GRB7: variants seen among roughly 807,000 people sequenced by gnomAD.
GRB7 encodes the protein growth factor receptor bound protein 7.
GRB7 carries 47 observed loss-of-function variants against 64.1 expected under a neutral mutation model. The ratio of observed to expected loss-of-function variants is 0.73; its 90% CI spans 0.58 to 0.94. The LOEUF (loss-of-function observed/expected upper bound fraction) is 0.94. GRB7 is among the 40% of genes least tolerant of loss of function. The probability of loss-of-function intolerance (pLI) is 0.00; values close to 1 mark genes in which losing one functional copy is unlikely to be tolerated. For missense variants in GRB7, 634 were observed against 718.4 expected (o/e 0.88, Z 1.34); for synonymous variants, 277 against 279.9 (o/e 0.99, Z 0.10).
chr17:39,742,165 G>A, intron 1 of GRB7, 87 bp from the exon 2 acceptor site: 1 of 871,626 alleles, frequency 1.1e-6, no homozygotes, highest in South Asian at 1.4e-5. Context: ...TCCAGTTAGA[G>A]CAGTGAGGTG....
intron 1 of GRB7, among the ~76,000 whole-genome samples, chr17:39,740,634 G>C (rs2059987046): frequency 0.028 from 1 of 36 alleles, no homozygotes; most frequent in Non-Finnish European, 0.05. Flanking sequence ...GATGTCAGGA[G>C]CCTCAGGCCC....
At chr17:39,738,815 G>C in intron 1 of GRB7, 1 of 1,244,992 alleles carries the variant, frequency 8.0e-7, no homozygotes, top group Admixed American at 2.1e-5. Flanking sequence ...CCACTTTGGA[G>C]GGCAGTGAAG....
chr17:39,746,143 C>T lies in GRB7; in HGVS notation c.1393C>T (p.Gln465Ter). The change falls in exon 14 of 15, where the codon CAG (glutamine) becomes TAG (stop). Residue 465 changes from glutamine (Q) to a stop codon, truncating the protein, a stop_gained. Transcript: ENST00000309156. LOFTEE classifies it high-confidence loss of function. ...GGTCCGGGAGAGTCAGCGGAACCCCCAGGGCTTTGTCCTCTCTTTGTGCCA... is the reference window on the plus strand; with the variant it reads ...GGTCCGGGAGAGTCAGCGGAACCCCTAGGGCTTTGTCCTCTCTTTGTGCCA... ...FLVRESQRNP[Q>*]GFVLSLCHLQ... 1 of 1,614,096 alleles carries T rather than the reference C, an allele frequency of 6.2e-7. No homozygotes were observed. Among genetic ancestry groups the T allele is most frequent in the Non-Finnish European group, 8.5e-7 (1 of 1,179,996 alleles).
Position 39,745,232 on chromosome 17 carries a change from C to T in GRB7, c.1012-11C>T, listed in dbSNP as rs1336174119. On this transcript the variant is annotated splice_polypyrimidine_tract_variant and intron_variant, in intron 9 of 14. Transcript: ENST00000309156. ...CTCGACCTCAAGCTCTCTTTCTCTC[C>T]CCACCCCCAGTACGGGGTGCAGCTG... The T allele has an allele frequency of 1.3e-6, 2 of 1,583,898 alleles. No homozygotes were observed. Among genetic ancestry groups the T allele is most frequent in the African/African-American group, 1.3e-5 (1 of 74,128 alleles).
intron 7 of GRB7, 27 bp from the exon 8 acceptor site, chr17:39,744,526 C>T (rs1293360639): frequency 1.9e-6 from 3 of 1,564,254 alleles, no homozygotes; most frequent in Admixed American, 3.6e-5. Flanking sequence ...CTACCTGTAC[C>T]AAGTCCTGCT....
Position 39,738,025 on chromosome 17 carries a change from T to C in GRB7, c.-159T>C, listed in dbSNP as rs1391067972. On this transcript the variant is annotated 5_prime_UTR_variant, in exon 1 of 15. Coordinates refer to ENST00000309156, the MANE Select transcript of GRB7 (RefSeq NM_005310.5). The stretch of plus-strand genomic sequence containing the variant: ...GAAGTCGGGACACCCTCCTACCACC[T>C]GTAGAGAAGCGGGAGTGGATCTGAA... The C allele has an allele frequency of 6.6e-6, 1 of 152,326 alleles. No homozygotes were observed. The highest frequency in any genetic ancestry group is 1.5e-5 in the Non-Finnish European group (1 of 68,078). The allele number at this position is 152,326 out of a possible 1,614,324, so 9.4% of individuals were successfully genotyped here. A position where few individuals can be genotyped will look rare whatever the true frequency, so the allele number is the denominator to read the frequency against.
intron 8 of GRB7, 31 bp downstream of exon 8, chr17:39,744,694 C>G (rs1490155541): frequency 1.9e-6 from 3 of 1,560,320 alleles, no homozygotes; most frequent in Non-Finnish European, 2.6e-6. Flanking sequence ...GGCCCCTGGC[C>G]TGGGGAAGCA....
intron 1 of GRB7, 98 bp from the exon 2 acceptor site, chr17:39,742,154 C>A: frequency 2.5e-6 from 2 of 807,050 alleles, no homozygotes; most frequent in African/African-American, 1.7e-5. Flanking sequence ...TTCAGGGAAA[C>A]TCCAGTTAGA....
intron 8 of GRB7, 61 bp from the exon 9 acceptor site, chr17:39,744,825 C>T: frequency 7.0e-7 from 1 of 1,431,002 alleles, no homozygotes; most frequent in Non-Finnish European, 9.9e-7. Flanking sequence ...CTATGTGGAG[C>T]AGGGGCAGAC....
intron 1 of GRB7, chr17:39,739,872 A>G (rs954046179): frequency 3.9e-5 from 15 of 385,046 alleles, no homozygotes; most frequent in African/African-American, 3.1e-4. Context: ...GCCCACAGCC[A>G]GGACCCCTTC....
chr17:39,739,395 C>T (rs910018507), intron 1 of GRB7, among the ~76,000 whole-genome samples: 5 of 152,206 alleles, frequency 3.3e-5, no homozygotes, highest in Non-Finnish European at 5.9e-5. Context: ...TGGGCGGGGC[C>T]TCAGAGTCCT....
chr17:39,738,986 A>G, intron 1 of GRB7: 1 of 1,220,894 alleles, frequency 8.2e-7, no homozygotes, highest in Non-Finnish European at 1.1e-6. Context: ...GGGGTGTATG[A>G]GGGGCTCTGC....
chr17:39,739,157 G>T (rs1022975762), intron 1 of GRB7, among the ~76,000 whole-genome samples: 1 of 66,704 alleles, frequency 1.5e-5, no homozygotes, highest in Non-Finnish European at 3.3e-5. Flanking sequence ...CCCCCACCCC[G>T]CCCCCCAACT....
At chr17:39,745,374 G>C in intron 10 of GRB7, 48 bp from the exon 11 acceptor site, 1 of 1,609,418 alleles carries the variant, frequency 6.2e-7, no homozygotes, top group Non-Finnish European at 8.5e-7. Context: ...CCTGTCTTAC[G>C]GGTACCTGGG....
chr17:39,742,310 G>A lies in GRB7; in HGVS notation c.9G>A (p.Leu3=), dbSNP rs761443768. The A allele has an allele frequency of 6.2e-6, 10 of 1,614,092 alleles. No homozygotes were observed. Among genetic ancestry groups the A allele is most frequent in the Non-Finnish European group, 7.6e-6 (9 of 1,179,982 alleles). Residue 3 remains leucine, a synonymous_variant, in exon 2 of 15, where the codon CTG becomes CTA. Transcript: ENST00000309156. ...TCTCTTGCTCAGACGCCATGGAGCT[G>A]GATCTGTCTCCACCTCATCTTAGCA... is the stretch of plus-strand genomic sequence containing the variant. The part of the protein sequence containing the change: ME[L]DLSPPHLSSS...
In GRB7 at chr17:39,746,869, G is replaced by A. The variant is rs547219172; in HGVS notation, c.1571G>A (p.Arg524His). 1.6e-5 allele frequency: 25 copies of A among 1,611,832 alleles called. No individual in the cohort carries two copies. The highest frequency in any genetic ancestry group is 1.6e-4 in the Middle Eastern group (1 of 6,076). The part of the protein sequence containing the change: ...LNRGILPCLL[R>H]HCCTRVAL Reference sequence around the variant, plus strand: ...CGCGGCATCCTGCCGTGCTTGCTGCGCCATTGCTGCACGCGGGTGGCCCTC... The same window carrying A: ...CGCGGCATCCTGCCGTGCTTGCTGCACCATTGCTGCACGCGGGTGGCCCTC... The change falls in exon 15 of 15, where the codon CGC (arginine) becomes CAC (histidine). Residue 524 changes from arginine (R) to histidine (H), a missense_variant. By Grantham distance (29) the Arg-to-His change is conservative. Transcript: ENST00000309156.
intron 1 of GRB7, among the ~76,000 whole-genome samples, chr17:39,741,994 G>GA (rs1473286401): frequency 7.0e-4 from 92 of 132,354 alleles, no homozygotes; most frequent in African/African-American, 2.4e-3. Context: ...AAAAAAAAAG[G>GA]AGAAAAAAAA....
At chr17:39,746,652 A>G in intron 14 of GRB7, 99 bp from the exon 15 acceptor site, 1 of 1,351,796 alleles carries the variant, frequency 7.4e-7, no homozygotes, top group South Asian at 1.4e-5. Flanking sequence ...AAAAGAAAAA[A>G]GAAAAGAATA....
Position 39,742,711 on chromosome 17 carries a change from C to T in GRB7, c.301C>T (p.Pro101Ser), listed in dbSNP as rs768150009. The T allele has an allele frequency of 1.3e-6, 2 of 1,557,922 alleles. No individual in the cohort carries two copies. Among genetic ancestry groups the T allele is most frequent in the Non-Finnish European group, 1.7e-6 (2 of 1,152,382 alleles). The change falls in exon 3 of 15, where the codon CCC (proline) becomes TCC (serine). Residue 101 changes from proline (P) to serine (S), a missense_variant. Pro to Ser is a moderately conservative substitution (Grantham distance 74). Coordinates refer to ENST00000309156, the MANE Select transcript of GRB7 (RefSeq NM_005310.5). ...RGLLPRDASR[P>S]HVVKVYSEDG... ...GCTGCTCCCCCGCGATGCCAGCCGC[C>T]CCCATGTGAGTTGTCCCTCAGAAGG...
Sources: allele counts gnomAD v4.1 joint callset (sites outside exome capture counted in the v4.1 genomes callset), GRCh38; gene constraint gnomAD v4.1.1; transcripts MANE v1.5; gene names NCBI Gene and HGNC (gene_info 2026-07-23, HGNC 2026-07-21).